Variants in HECW2 observed in about 807,000 individuals in gnomAD.
HECW2 encodes the protein E3 ubiquitin-protein ligase HECW2.
A neutral mutation model predicts 175.2 loss-of-function variants in HECW2; 61 were observed. The observed-to-expected ratio is 0.35, with a 90% confidence interval of 0.28 to 0.43. The LOEUF is 0.43. HECW2 is among the 20% of genes least tolerant of loss of function. The pLI, the probability that HECW2 is intolerant of heterozygous loss-of-function variation, is 1.00. For synonymous variants in HECW2, 671 were observed against 731.0 expected (o/e 0.92, Z 1.32); for missense variants, 1,524 against 2,000.5 (o/e 0.76, Z 4.54).
intron 2 of HECW2, among the ~76,000 whole-genome samples, chr2:196,394,166 G>C (rs893035600): frequency 6.6e-6 from 1 of 151,732 alleles, no homozygotes; most frequent in Non-Finnish European, 1.5e-5. Flanking sequence ...GGGGGAGAGG[G>C]GGGAGGGATA....
chr2:196,196,836 A>G lies in HECW2; in HGVS notation c.*4441T>C, dbSNP rs1345810889. The G allele has an allele frequency of 6.6e-6, 1 of 151,996 alleles. No homozygotes were observed. The highest frequency in any genetic ancestry group is 1.5e-5 in the Non-Finnish European group (1 of 68,146). 9.4% of individuals were successfully genotyped at this position (151,996 alleles called of 1,614,324 possible). A position where few individuals can be genotyped will look rare whatever the true frequency, so the allele number is the denominator to read the frequency against. ...ACTGCCAGCATGGTGGCTCACACCT[A>G]TAATTACTCCTAGCACTTTGGGAGG... On this transcript the variant is annotated 3_prime_UTR_variant, in exon 29 of 29. Coordinates refer to ENST00000644978, the MANE Select transcript of HECW2 (RefSeq NM_001348768.2).
intron 3 of HECW2, among the ~76,000 whole-genome samples, chr2:196,340,595 C>CAAAAAAAAAAAA (rs3082071): frequency 1.5e-5 from 1 of 66,914 alleles, no homozygotes; most frequent in Non-Finnish European, 2.7e-5. Flanking sequence ...GACTCCGTCT[C>CAAAAAAAAAAAA]AAAAAAAAAA....
chr2:196,354,584 T>C (rs1693294842), intron 2 of HECW2, among the ~76,000 whole-genome samples: 1 of 152,250 alleles, frequency 6.6e-6, no homozygotes, highest in South Asian at 2.1e-4. Flanking sequence ...TGAATATTAG[T>C]ACTATATTCT....
intron 1 of HECW2, among the ~76,000 whole-genome samples, chr2:196,441,779 G>A (rs1253701380): frequency 6.6e-6 from 1 of 152,194 alleles, no homozygotes; most frequent in East Asian, 1.9e-4. Context: ...AAAATGATTA[G>A]GAAAACCAGA....
At chr2:196,362,218 C>T (rs755194436) in intron 2 of HECW2, 17 of 984,966 alleles carry the variant, frequency 1.7e-5, no homozygotes, top group Non-Finnish European at 1.9e-5. Context: ...GCAGTCGTGG[C>T]CACACCCCTG....
intron 1 of HECW2, among the ~76,000 whole-genome samples, chr2:196,537,876 C>A (rs1228801404): frequency 6.6e-6 from 1 of 152,146 alleles, no homozygotes; most frequent in African/African-American, 2.4e-5. Flanking sequence ...TGTAACAGAG[C>A]CCATCTCCCC....
chr2:196,273,627 G>T (rs1052718051), intron 16 of HECW2, among the ~76,000 whole-genome samples: 1 of 152,050 alleles, frequency 6.6e-6, no homozygotes, highest in African/African-American at 2.4e-5. Context: ...ATTTTGTGAG[G>T]CTGCTACAGA....
chr2:196,208,448 T>G (rs1241094847), intron 28 of HECW2, among the ~76,000 whole-genome samples: 1 of 152,254 alleles, frequency 6.6e-6, no homozygotes, highest in African/African-American at 2.4e-5. Context: ...CATGTTTAAT[T>G]CAGATAAGGT....
intron 1 of HECW2, among the ~76,000 whole-genome samples, chr2:196,513,521 G>C (rs1344757879): frequency 6.6e-6 from 1 of 152,050 alleles, no homozygotes; most frequent in Non-Finnish European, 1.5e-5. Flanking sequence ...AAAAGAAAAA[G>C]TATTCAATAA....
chr2:196,271,511 C>T (rs2105964042), intron 16 of HECW2, among the ~76,000 whole-genome samples: 1 of 152,188 alleles, frequency 6.6e-6, no homozygotes, highest in Non-Finnish European at 1.5e-5. Flanking sequence ...TGATCTCAAA[C>T]TCCTGACCTC....
chr2:196,221,570 C>CTT (rs1687672773), intron 24 of HECW2, among the ~76,000 whole-genome samples: 1 of 151,704 alleles, frequency 6.6e-6, no homozygotes, highest in Admixed American at 6.6e-5. Flanking sequence ...TTTTTCTTTT[C>CTT]TTTTTTGAGA....
chr2:196,205,655 G>A (rs563067790), intron 28 of HECW2, among the ~76,000 whole-genome samples: 1 of 152,276 alleles, frequency 6.6e-6, no homozygotes, highest in East Asian at 1.9e-4. Flanking sequence ...ACTTTAGAGT[G>A]TATCAAAATC....
chr2:196,224,393 G>A (rs181736983), intron 23 of HECW2, among the ~76,000 whole-genome samples: 243 of 152,246 alleles, frequency 1.6e-3, no homozygotes, highest in Admixed American at 1.4e-3. Context: ...GGGAGTCAGA[G>A]GAGATAAGAC....
At chr2:196,211,146 C>G (rs555378571) in intron 28 of HECW2, among the ~76,000 whole-genome samples, 11 of 152,004 alleles carry the variant, frequency 7.2e-5, no homozygotes, top group Non-Finnish European at 1.5e-4. Context: ...AACCAACACA[C>G]CCCCATGACG....
chr2:196,454,781 C>G (rs1289104985), intron 1 of HECW2, among the ~76,000 whole-genome samples: 1 of 152,136 alleles, frequency 6.6e-6, no homozygotes, highest in Non-Finnish European at 1.5e-5. Context: ...CTGCCATGCT[C>G]TATGACCTCT....
intron 28 of HECW2, among the ~76,000 whole-genome samples, chr2:196,204,564 T>C (rs1035373871): frequency 2.6e-5 from 4 of 152,334 alleles, no homozygotes; most frequent in East Asian, 1.9e-4. Context: ...CAAATGAGAA[T>C]GCAGCCCCAC....
Position 196,578,046 on chromosome 2 carries a change from T to C in HECW2, c.-36+15462A>G, listed in dbSNP as rs370695136. The stretch of plus-strand genomic sequence containing the variant: ...ATCAAAAAATCCTAGGTGTTGGACA[T>C]ACCAGACCAAGACTTTACATAGGCT... On this transcript the variant is annotated intron_variant, in intron 1 of 28. Coordinates refer to ENST00000644978, the MANE Select transcript of HECW2 (RefSeq NM_001348768.2). Among the ~76,000 whole-genome samples the C allele has an allele frequency of 1.3e-5, 2 of 152,158 alleles. 1 individual carries two copies. Among genetic ancestry groups the C allele is most frequent in the East Asian group, 3.8e-4 (2 of 5,196 alleles).
In HECW2 at chr2:196,242,119, C is replaced by G; in HGVS notation, c.3615G>C (p.Glu1205Asp). Residue 1205 changes from glutamate to aspartate, a missense_variant, in exon 20 of 29, where the codon GAG becomes GAC. Around this residue, in one of 11 missense-constraint regions of HECW2, gnomAD observed 291 missense variants for 412.2 expected, o/e 0.71. Coordinates refer to ENST00000644978, the MANE Select transcript of HECW2 (RefSeq NM_001348768.2). The stretch of plus-strand genomic sequence containing the variant: ...CTGGGCCTTGTCCATATCCTTTAGT[C>G]TCTAACTTCCTGTAAAAGTTCCTCA... Reference protein sequence around the residue: ...AKLRNFYRKLETKGYGQGPGK... With the variant: ...AKLRNFYRKLDTKGYGQGPGK... 6.2e-7 allele frequency: 1 copy of G among 1,614,182 alleles called. No individual in the cohort carries two copies.
chr2:196,219,988 C>A, intron 26 of HECW2, 51 bp downstream of exon 26: 1 of 1,220,204 alleles, frequency 8.2e-7, no homozygotes, highest in Non-Finnish European at 1.2e-6. Context: ...TGAACCATGC[C>A]TTCCTTTAAT....
Sources: gnomAD v4.1 joint callset for allele counts (sites outside exome capture counted in the v4.1 genomes callset) on GRCh38, gnomAD v4.1.1 for gene constraint, gnomAD v4.1.1 regional missense constraint, MANE v1.5 for transcripts, NCBI Gene and HGNC (gene_info 2026-07-23, HGNC 2026-07-21) for gene names.